PTPN14: variants seen among roughly 807,000 people sequenced by gnomAD.
PTPN14 encodes tyrosine-protein phosphatase non-receptor type 14.
PTPN14 carries 53 observed loss-of-function variants against 126.8 expected under a neutral mutation model. That is an observed-to-expected ratio of 0.42 (90% CI 0.34 to 0.53). PTPN14 has a LOEUF of 0.53. PTPN14 is among the 20% of genes least tolerant of loss of function. The pLI, the probability that PTPN14 is intolerant of heterozygous loss-of-function variation, is 0.08. For missense variants in PTPN14, 1,257 were observed against 1,552.9 expected, an observed-to-expected ratio of 0.81 and a Z score of 3.20; for synonymous variants, 630 against 599.3, an observed-to-expected ratio of 1.05 and a Z score of -0.75.
rs539507806 is a variant in PTPN14 at position 214,378,452 on chromosome 1, A to G, written c.2545-350T>C. Reference sequence around the variant, plus strand: ...GAAAGGTAAAGATGACAGGACAAGGAAAAGAGAAACAGGGTTATATGAACC... The same window carrying G: ...GAAAGGTAAAGATGACAGGACAAGGGAAAGAGAAACAGGGTTATATGAACC... On this transcript the variant is annotated intron_variant, in intron 13 of 18. Coordinates refer to ENST00000366956, the MANE Select transcript of PTPN14 (RefSeq NM_005401.5). 1.8e-3 allele frequency among the ~76,000 whole-genome samples: 272 copies of G among 152,362 alleles called. 1 individual carries two copies. The highest frequency in any genetic ancestry group is 6.3e-3 in the African/African-American group (263 of 41,578).
Position 214,384,482 on chromosome 1 carries a change from T to A in PTPN14, c.1373A>T (p.His458Leu). The A allele has an allele frequency of 6.2e-7, 1 of 1,614,162 alleles. No homozygotes were observed. The highest frequency in any genetic ancestry group is 8.5e-7 in the Non-Finnish European group (1 of 1,180,024). The change falls in exon 13 of 19, where the codon CAT (histidine) becomes CTT (leucine). Residue 458 changes from histidine to leucine, a missense_variant. By Grantham distance (99) the His-to-Leu change is moderately conservative (BLOSUM62 -3). Transcript: ENST00000366956. This position sits in a 1 kb window ranked among gnomAD's most constrained non-coding sequence, Gnocchi z 5.3. ...VMRQMKRGIL[H>L]TDSQSQSLRN... The stretch of plus-strand genomic sequence containing the variant: ...CAGAGACTGGCTCTGGCTGTCTGTA[T>A]GCAGGATCCCCCTCTTCATCTGGCG...
intron 1 of PTPN14, among the ~76,000 whole-genome samples, chr1:214,509,797 AC>A (rs1306112342): frequency 1.3e-5 from 2 of 152,230 alleles, no homozygotes; most frequent in Non-Finnish European, 2.9e-5. Flanking sequence ...ACCATGGAAT[AC>A]TATGCAGCCA....
chr1:214,540,293 A>G (rs886517833), intron 1 of PTPN14, among the ~76,000 whole-genome samples: 2 of 152,148 alleles, frequency 1.3e-5, no homozygotes, highest in Non-Finnish European at 2.9e-5. Context: ...ACATTTTACA[A>G]AATGTATAAT....
chr1:214,533,012 C>A, intron 1 of PTPN14: 1 of 754,994 alleles, frequency 1.3e-6, no homozygotes, highest in Non-Finnish European at 2.4e-6. Context: ...GAGGAGAGCA[C>A]CACAGTGGTC....
Position 214,350,480 on chromosome 1 carries a change from T to C in PTPN14, c.*7442A>G, listed in dbSNP as rs1657681468. ...CAAAAGGGTGAGAAAGGGAGCTTCCTGCTTGCTGAGTTTTCTAGCTATTTT... is the reference window on the plus strand; with the variant it reads ...CAAAAGGGTGAGAAAGGGAGCTTCCCGCTTGCTGAGTTTTCTAGCTATTTT... On this transcript the variant is annotated 3_prime_UTR_variant, in exon 19 of 19. Coordinates refer to ENST00000366956, the MANE Select transcript of PTPN14 (RefSeq NM_005401.5). 1 of 151,514 alleles carries C rather than the reference T, an allele frequency of 6.6e-6. No homozygotes were observed. Among genetic ancestry groups the C allele is most frequent in the African/African-American group, 2.4e-5 (1 of 41,296 alleles). The allele number at this position is 151,514 out of a possible 1,614,324, so 9.4% of individuals were successfully genotyped here. A position where few individuals can be genotyped will look rare whatever the true frequency, so the allele number is the denominator to read the frequency against.
intron 1 of PTPN14, among the ~76,000 whole-genome samples, chr1:214,470,872 A>T (rs868707870): frequency 7.3e-5 from 11 of 150,712 alleles, no homozygotes; most frequent in Middle Eastern, 3.4e-3. Flanking sequence ...TATATATATA[A>T]AAATTAGCCG....
chr1:214,521,209 AAT>A (rs1655245935), intron 1 of PTPN14, among the ~76,000 whole-genome samples: 1 of 152,232 alleles, frequency 6.6e-6, no homozygotes, highest in Non-Finnish European at 1.5e-5. Context: ...GCTTTATAAA[AAT>A]ATTTCTCATA....
chr1:214,378,126 C>T (rs1658387877), intron 13 of PTPN14, 24 bp from the exon 14 acceptor site: 3 of 1,598,196 alleles, frequency 1.9e-6, no homozygotes, highest in Admixed American at 1.7e-5. Flanking sequence ...AAGGCATGTG[C>T]TCATTGTTTA....
intron 13 of PTPN14, among the ~76,000 whole-genome samples, chr1:214,382,043 C>G (rs550630820): frequency 6.6e-6 from 1 of 151,806 alleles, no homozygotes; most frequent in Non-Finnish European, 1.5e-5. Context: ...ACTGGGATTA[C>G]AGGTGCACGC....
At chr1:214,450,013 G>C (rs1400531715) in intron 3 of PTPN14, among the ~76,000 whole-genome samples, 1 of 151,756 alleles carries the variant, frequency 6.6e-6, no homozygotes, top group Non-Finnish European at 1.5e-5. Context: ...CATGCCTGTA[G>C]TCCCAGCTAC....
chr1:214,411,723 A>G lies in PTPN14; in HGVS notation c.471T>C (p.Asp157=). ...QADFGDYNQF[D]SQDFLREYVL... ...CATACTCTCTGAGGAAATCTTGAGA[A>G]TCAAACTGATTATAGTCTCCAAAAT... Residue 157 remains aspartate, a synonymous_variant, in exon 5 of 19, where the codon GAT becomes GAC. Coordinates refer to ENST00000366956, the MANE Select transcript of PTPN14 (RefSeq NM_005401.5). 6.6e-7 allele frequency: 1 copy of G among 1,514,544 alleles called. No individual in the cohort carries two copies. The highest frequency in any genetic ancestry group is 2.3e-5 in the East Asian group (1 of 43,368). The allele number at this position is 1,514,544 out of a possible 1,614,324, so 93.8% of individuals were successfully genotyped here.
intron 1 of PTPN14, chr1:214,528,270 T>C (rs1421522630): frequency 2.0e-5 from 3 of 152,170 alleles, no homozygotes; most frequent in African/African-American, 7.2e-5. Flanking sequence ...AAAGACACTA[T>C]ATGTACAAAG....
At chr1:214,548,789 G>A (rs74439632) in intron 1 of PTPN14, among the ~76,000 whole-genome samples, 4 of 152,262 alleles carry the variant, frequency 2.6e-5, no homozygotes, top group East Asian at 3.9e-4. Flanking sequence ...GGGCAAATAA[G>A]AATTATTCTA....
At chr1:214,450,866 G>A (rs949647506) in intron 3 of PTPN14, among the ~76,000 whole-genome samples, 1 of 152,296 alleles carries the variant, frequency 6.6e-6, no homozygotes, top group Admixed American at 6.5e-5. Context: ...CTTTACAGAT[G>A]AGAGGGGAAA....
At chr1:214,458,616 C>T (rs943850835) in intron 2 of PTPN14, among the ~76,000 whole-genome samples, 1 of 41,200 alleles carries the variant, frequency 2.4e-5, no homozygotes, top group Non-Finnish European at 4.6e-5. Flanking sequence ...GCACAGGGTA[C>T]TTCTATTTAA....
rs1430951585 is a variant in PTPN14, at chr1:214,364,049, C to T, written c.3435+463G>A. 6.6e-6 allele frequency among the ~76,000 whole-genome samples: 1 copy of T among 152,184 alleles called. No individual in the cohort carries two copies. The highest frequency in any genetic ancestry group is 2.4e-5 in the African/African-American group (1 of 41,450). ...ACAACCAGACTAGACAAGCAAACAA[C>T]CCCTCAAACCTCACTCTGAAGAATG... On this transcript the variant is annotated intron_variant, in intron 18 of 18. Coordinates refer to ENST00000366956, the MANE Select transcript of PTPN14 (RefSeq NM_005401.5). The surrounding 1 kb of genome is among the most constrained non-coding windows in gnomAD (Gnocchi z 4.1).
chr1:214,446,680 G>T (rs1386387482), intron 3 of PTPN14, among the ~76,000 whole-genome samples: 1 of 151,780 alleles, frequency 6.6e-6, no homozygotes, highest in African/African-American at 2.4e-5. Flanking sequence ...GCTTTTAAAT[G>T]TATTTTCCTT....
chr1:214,469,555 C>T (rs1213297308), intron 1 of PTPN14, among the ~76,000 whole-genome samples: 1 of 152,094 alleles, frequency 6.6e-6, no homozygotes, highest in Admixed American at 6.5e-5. Context: ...AACTAAATGC[C>T]ACATGCTCAT....
intron 11 of PTPN14, among the ~76,000 whole-genome samples, chr1:214,388,611 T>C (rs1429244236): frequency 6.6e-6 from 1 of 152,116 alleles, no homozygotes; most frequent in Non-Finnish European, 1.5e-5. Flanking sequence ...TTTCACCATG[T>C]TGGCCAGGCT....
Sources: gnomAD v4.1 joint callset for allele counts (sites outside exome capture counted in the v4.1 genomes callset) on GRCh38, gnomAD v4.1.1 for gene constraint, Gnocchi (gnomAD v3.1) non-coding constraint, MANE v1.5 for transcripts, NCBI Gene and HGNC (gene_info 2026-07-23, HGNC 2026-07-21) for gene names.